Variants in KLF12 observed in about 807,000 individuals in gnomAD.
KLF12 encodes Krueppel-like factor 12.
Under a neutral mutation model 37.8 loss-of-function variants are expected in KLF12, and 9 were observed. That is an observed-to-expected ratio of 0.24 (90% CI 0.14 to 0.42). The LOEUF (loss-of-function observed/expected upper bound fraction) is 0.42. Ranked by LOEUF, KLF12 falls within the 10% of genes least tolerant of loss-of-function variation. KLF12 has a pLI of 1.00. For missense variants in KLF12, 411 were observed against 516.0 expected (o/e 0.80, Z 1.97); for synonymous variants, 208 against 202.1 (o/e 1.03, Z -0.25).
the KLF12 span, chr13:74,231,657 G>A: frequency 1.8e-4 from 27 of 152,300 alleles, no homozygotes; most frequent in South Asian, 6.2e-4. Flanking sequence ...TGAAGGCCAA[G>A]CATTTAATAT....
chr13:74,242,608 C>T, the KLF12 span, among the ~76,000 whole-genome samples: 29,679 of 152,124 alleles, frequency 0.2, 3,604 homozygotes, highest in African/African-American at 0.34. Context: ...TCAACACACA[C>T]GTGTTTATAT....
chr13:74,264,703 A>G, the KLF12 span, among the ~76,000 whole-genome samples: 1 of 152,282 alleles, frequency 6.6e-6, no homozygotes, highest in Non-Finnish European at 1.5e-5. Flanking sequence ...TGGTAACTGA[A>G]TTTGGATTTC....
At chr13:73,739,724 C>G (rs992961782) in intron 6 of KLF12, among the ~76,000 whole-genome samples, 2 of 152,064 alleles carry the variant, frequency 1.3e-5, no homozygotes, top group African/African-American at 4.8e-5. Flanking sequence ...CAATTGTTGG[C>G]CATTAATAGC....
At chr13:74,008,856 C>T (rs1435391506) in intron 1 of KLF12, among the ~76,000 whole-genome samples, 1 of 152,154 alleles carries the variant, frequency 6.6e-6, no homozygotes, top group African/African-American at 2.4e-5. Context: ...CTTCTCATTC[C>T]CAGTAGCTCC....
intron 6 of KLF12, among the ~76,000 whole-genome samples, chr13:73,738,104 T>TACACACACAC (rs772058212): frequency 4.8e-5 from 5 of 103,568 alleles, no homozygotes; most frequent in African/African-American, 1.3e-4. Context: ...TATATATATA[T>TACACACACAC]ATATATATAT....
At chr13:74,156,201 C>A in the KLF12 span, among the ~76,000 whole-genome samples, 4 of 152,198 alleles carry the variant, frequency 2.6e-5, no homozygotes, top group African/African-American at 4.8e-5. Context: ...ATTTATACTG[C>A]GATCTCTCTT....
chr13:73,792,970 G>A (rs1392906164), intron 5 of KLF12, among the ~76,000 whole-genome samples: 1 of 152,194 alleles, frequency 6.6e-6, no homozygotes, highest in East Asian at 1.9e-4. Flanking sequence ...TCTGCCTGAC[G>A]TTTAATTGAG....
At chr13:74,279,772 C>A in the KLF12 span, among the ~76,000 whole-genome samples, 1 of 152,150 alleles carries the variant, frequency 6.6e-6, no homozygotes, top group Non-Finnish European at 1.5e-5. Context: ...GCACGGAGTA[C>A]ATAATGGACA....
the KLF12 span, among the ~76,000 whole-genome samples, chr13:74,165,905 G>A: frequency 6.6e-6 from 1 of 152,094 alleles, no homozygotes; most frequent in Non-Finnish European, 1.5e-5. Flanking sequence ...TCTGCCCATT[G>A]CAAAATCTAG....
chr13:74,127,794 CAT>C (rs1190093689), intron 1 of KLF12, among the ~76,000 whole-genome samples: 1 of 152,092 alleles, frequency 6.6e-6, no homozygotes, highest in Non-Finnish European at 1.5e-5. Context: ...TTAAGAATAA[CAT>C]ATAGCATGTT....
rs143774471 is a variant in KLF12 at position 73,696,680 on chromosome 13, T to C, written c.1028-1009A>G. On this transcript the variant is annotated intron_variant, in intron 7 of 7. Transcript: ENST00000377669. Reference sequence around the variant, plus strand: ...GATAGGGAAGGGAGCTATCTGCTGTTCCTCATGCACAAAGCTACAAAGGGG... The same window carrying C: ...GATAGGGAAGGGAGCTATCTGCTGTCCCTCATGCACAAAGCTACAAAGGGG... 3.0e-3 allele frequency among the ~76,000 whole-genome samples: 461 copies of C among 152,292 alleles called. 4 individuals carry two copies. The highest frequency in any genetic ancestry group is 8.9e-3 in the South Asian group (43 of 4,826).
chr13:73,976,093 T>TAA (rs60828645), intron 2 of KLF12, among the ~76,000 whole-genome samples: 11 of 150,598 alleles, frequency 7.3e-5, no homozygotes, highest in East Asian at 2.0e-4. Flanking sequence ...AATAAGTCAT[T>TAA]AAAAAAAATG....
At chr13:73,824,043 T>C (rs191707053) in intron 4 of KLF12, among the ~76,000 whole-genome samples, 67 of 152,148 alleles carry the variant, frequency 4.4e-4, no homozygotes, top group African/African-American at 1.6e-3. Context: ...TCCTCTGGCT[T>C]CAGGGATGGA....
At chr13:74,069,086 CT>C (rs1874079536) in intron 1 of KLF12, among the ~76,000 whole-genome samples, 9 of 152,278 alleles carry the variant, frequency 5.9e-5, no homozygotes, top group African/African-American at 2.2e-4. Flanking sequence ...GACAGACATG[CT>C]AACAAACAGT....
intron 2 of KLF12, among the ~76,000 whole-genome samples, chr13:73,984,867 T>C (rs1566493687): frequency 6.6e-6 from 1 of 152,222 alleles, no homozygotes; most frequent in Non-Finnish European, 1.5e-5. Flanking sequence ...TCCAGTCACA[T>C]GTGCTCTTCC....
intron 1 of KLF12, among the ~76,000 whole-genome samples, chr13:74,102,697 C>CA (rs112369721): frequency 0.023 from 3,272 of 140,438 alleles, 99 homozygotes; most frequent in African/African-American, 0.069. Context: ...AACTCTGTCT[C>CA]AAAAAAAAAA....
At chr13:74,289,455 A>C in the KLF12 span, among the ~76,000 whole-genome samples, 16 of 152,256 alleles carry the variant, frequency 1.1e-4, no homozygotes, top group Admixed American at 7.2e-4. Flanking sequence ...GCTTAGCTAC[A>C]TGCAGGCAGC....
the KLF12 span, among the ~76,000 whole-genome samples, chr13:74,224,380 A>G: frequency 6.6e-6 from 1 of 152,150 alleles, no homozygotes; most frequent in African/African-American, 2.4e-5. Context: ...GGTGATATCT[A>G]TGACATCCAG....
At chr13:73,862,941 T>C (rs377107330) in intron 3 of KLF12, among the ~76,000 whole-genome samples, 7 of 152,280 alleles carry the variant, frequency 4.6e-5, no homozygotes, top group African/African-American at 7.2e-5. Context: ...CTTCTTAGCA[T>C]CAGAACTTTC....
Sources: allele counts gnomAD v4.1 joint callset (sites outside exome capture counted in the v4.1 genomes callset), GRCh38; gene constraint gnomAD v4.1.1; transcripts MANE v1.5; gene names NCBI Gene and HGNC (gene_info 2026-07-23, HGNC 2026-07-21).